Variants in RAB31 observed in about 807,000 individuals in gnomAD.
RAB31 encodes RAB31, member RAS oncogene family, also known as ras-related protein Rab-31.
RAB31 carries 21 observed loss-of-function variants against 25.6 expected under a neutral mutation model. The ratio of observed to expected loss-of-function variants is 0.82; its 90% CI spans 0.58 to 1.18. RAB31 has a LOEUF of 1.18. RAB31 is among the 50% of genes most tolerant of loss of function. The probability of loss-of-function intolerance (pLI) is 0.00; values close to 1 mark genes in which losing one functional copy is unlikely to be tolerated. For missense variants in RAB31, 196 were observed against 250.1 expected (o/e 0.78, Z 1.46); for synonymous variants, 87 against 84.0 (o/e 1.04, Z -0.20).
chr18:9,759,339 T>G (rs910419940), intron 1 of RAB31, among the ~76,000 whole-genome samples: 2 of 151,964 alleles, frequency 1.3e-5, no homozygotes, highest in African/African-American at 4.8e-5. Context: ...CCTGGCTAAT[T>G]TTTTGATTTT....
chr18:9,814,485 ATATAAG>A (rs1205291198), intron 4 of RAB31, among the ~76,000 whole-genome samples: 15 of 152,240 alleles, frequency 9.9e-5, no homozygotes, highest in Non-Finnish European at 1.6e-4. Context: ...GTGTGTGTAT[ATATAAG>A]TATATTTTTA....
intron 2 of RAB31, among the ~76,000 whole-genome samples, chr18:9,784,684 C>T (rs1290272778): frequency 1.3e-5 from 2 of 151,800 alleles, no homozygotes; most frequent in Admixed American, 6.6e-5. Context: ...CCCGACGTAG[C>T]TGGGATTACA....
At position 9,708,722 on chromosome 18, in the gene RAB31, C is replaced by T. The variant is rs1255544851; in HGVS notation, c.39+278C>T. The stretch of plus-strand genomic sequence containing the variant: ...CCCCTCTGGTCCGCCCCCGCTCTCA[C>T]CCTGCCGGGGTCCGGGTCCGAGCCT... On this transcript the variant is annotated intron_variant, in intron 1 of 6. Transcript: ENST00000578921. The surrounding 1 kb of genome is among the most constrained non-coding windows in gnomAD (Gnocchi z 6.4). Among the ~76,000 whole-genome samples the T allele has an allele frequency of 6.6e-6, 1 of 152,056 alleles. No individual in the cohort carries two copies. Among genetic ancestry groups the T allele is most frequent in the African/African-American group, 2.4e-5 (1 of 41,402 alleles).
intron 6 of RAB31, among the ~76,000 whole-genome samples, chr18:9,852,899 C>A (rs147528431): frequency 6.6e-6 from 1 of 152,116 alleles, no homozygotes; most frequent in Non-Finnish European, 1.5e-5. Context: ...CGCTTGGTAC[C>A]GTCGGTTTGT....
rs193277371 is a variant in RAB31, at chr18:9,858,379, C to A, written c.491-849C>A. Among the ~76,000 whole-genome samples the A allele has an allele frequency of 1.6e-3, 243 of 152,268 alleles. 1 individual carries two copies. Among genetic ancestry groups the A allele is most frequent in the Non-Finnish European group, 3.1e-3 (212 of 68,022 alleles). On this transcript the variant is annotated intron_variant, in intron 6 of 6. Coordinates refer to ENST00000578921, the MANE Select transcript of RAB31 (RefSeq NM_006868.4). ...TCCATTGCCTTTTTTCAGAAAACAA[C>A]TTTATTGAGATAAAATTCACATACC... is the stretch of plus-strand genomic sequence containing the variant.
At chr18:9,804,008 C>T (rs2068526998) in intron 3 of RAB31, among the ~76,000 whole-genome samples, 1 of 152,250 alleles carries the variant, frequency 6.6e-6, no homozygotes, top group Non-Finnish European at 1.5e-5. Flanking sequence ...TAGGGAAACA[C>T]TGTAAACAGC....
At chr18:9,762,833 GCCT>G (rs555592080) in intron 1 of RAB31, among the ~76,000 whole-genome samples, 215 of 152,170 alleles carry the variant, frequency 1.4e-3, no homozygotes, top group Non-Finnish European at 2.5e-3. Context: ...GAGACATGGA[GCCT>G]CTGGCACTTT....
intron 3 of RAB31, among the ~76,000 whole-genome samples, chr18:9,813,767 G>T (rs868154450): frequency 2.0e-5 from 3 of 152,098 alleles, no homozygotes; most frequent in African/African-American, 4.8e-5. Flanking sequence ...CATGAGAATC[G>T]CTTGAACCTA....
chr18:9,809,383 T>C (rs1312147421), intron 3 of RAB31, among the ~76,000 whole-genome samples: 4 of 151,886 alleles, frequency 2.6e-5, no homozygotes, highest in African/African-American at 9.7e-5. Flanking sequence ...GAAAAAAAGA[T>C]TTTAAAAATG....
In RAB31 at chr18:9,809,861, T is replaced by G. The variant is rs2267560; in HGVS notation, c.202-4159T>G. On this transcript the variant is annotated intron_variant, in intron 3 of 6. Coordinates refer to ENST00000578921, the MANE Select transcript of RAB31 (RefSeq NM_006868.4). ...CATTTGCAAGATTCTTGAAACACAT[T>G]GTCCAGCTGCTTTCCAGAAAGGTCA... is the stretch of plus-strand genomic sequence containing the variant. Among the ~76,000 whole-genome samples the G allele has an allele frequency of 9.2e-5, 14 of 152,324 alleles. No homozygotes were observed. The East Asian group carries it at 2.7e-3, about 29-fold the overall frequency.
At chr18:9,831,441 C>T (rs1246365070) in intron 5 of RAB31, among the ~76,000 whole-genome samples, 2 of 152,226 alleles carry the variant, frequency 1.3e-5, no homozygotes, top group African/African-American at 4.8e-5. Context: ...CGGCCTGACT[C>T]CTTTTCCCTA....
At chr18:9,789,588 TG>T (rs1436723471) in intron 2 of RAB31, among the ~76,000 whole-genome samples, 6 of 152,178 alleles carry the variant, frequency 3.9e-5, no homozygotes, top group Non-Finnish European at 8.8e-5. Context: ...TAAAAATAAT[TG>T]GGAAGGACAT....
At chr18:9,714,877 C>T (rs2145453488) in intron 1 of RAB31, among the ~76,000 whole-genome samples, 1 of 152,296 alleles carries the variant, frequency 6.6e-6, no homozygotes, top group Admixed American at 6.5e-5. Context: ...CCATGCGGAA[C>T]AGAAGTAGTG....
At chr18:9,782,966 C>T (rs994270967) in intron 2 of RAB31, among the ~76,000 whole-genome samples, 14 of 152,102 alleles carry the variant, frequency 9.2e-5, no homozygotes, top group African/African-American at 2.9e-4. Flanking sequence ...CAAAAGCTAG[C>T]AAAGACTTAA....
Position 9,855,719 on chromosome 18 carries a change from C to T in RAB31, c.491-3509C>T, listed in dbSNP as rs559605028. 3.9e-5 allele frequency among the ~76,000 whole-genome samples: 6 copies of T among 152,256 alleles called. 1 individual carries two copies. The highest frequency in any genetic ancestry group is 1.3e-4 in the Admixed American group (2 of 15,294). On this transcript the variant is annotated intron_variant, in intron 6 of 6. Coordinates refer to ENST00000578921, the MANE Select transcript of RAB31 (RefSeq NM_006868.4). The stretch of plus-strand genomic sequence containing the variant: ...ATGATCTGGCTTTTCTCTTTCTCTG[C>T]GTGGAAGCATTTCCTTCTCCCTGTG...
chr18:9,752,655 T>C (rs1055414532), intron 1 of RAB31, among the ~76,000 whole-genome samples: 3 of 152,240 alleles, frequency 2.0e-5, no homozygotes, highest in Admixed American at 6.5e-5. Context: ...CTGACTGATA[T>C]AACATCATTC....
At chr18:9,754,289 C>CT (rs1304642198) in intron 1 of RAB31, among the ~76,000 whole-genome samples, 4 of 151,832 alleles carry the variant, frequency 2.6e-5, no homozygotes, top group Admixed American at 6.6e-5. Flanking sequence ...ACTTTTTTCT[C>CT]TTTTTTTTGA....
At chr18:9,817,976 A>G (rs1040257343) in intron 5 of RAB31, among the ~76,000 whole-genome samples, 9 of 152,180 alleles carry the variant, frequency 5.9e-5, no homozygotes, top group African/African-American at 2.2e-4. Context: ...CCTCCCTGGT[A>G]GTATCTTTTC....
chr18:9,757,416 A>G (rs572851318), intron 1 of RAB31, among the ~76,000 whole-genome samples: 1 of 152,202 alleles, frequency 6.6e-6, no homozygotes, highest in African/African-American at 2.4e-5. Flanking sequence ...CAGACACAGA[A>G]GAGAGGAGTG....
Sources: gnomAD v4.1 joint callset for allele counts (sites outside exome capture counted in the v4.1 genomes callset) on GRCh38, gnomAD v4.1.1 for gene constraint, Gnocchi (gnomAD v3.1) non-coding constraint, MANE v1.5 for transcripts, NCBI Gene and HGNC (gene_info 2026-07-23, HGNC 2026-07-21) for gene names.